FAS: variants seen among roughly 807,000 people sequenced by gnomAD.
FAS encodes the protein Fas cell surface death receptor, also known as tumor necrosis factor receptor superfamily member 6.
In FAS, 5 loss-of-function variants were observed where a neutral mutation model predicts 33.2. The observed-to-expected ratio is 0.15, with a 90% CI of 0.08 to 0.32. The LOEUF is 0.32. Ranked by LOEUF, FAS falls within the 10% of genes least tolerant of loss-of-function variation. FAS has a pLI of 1.00. For missense variants in FAS, 339 were observed against 386.0 expected (o/e 0.88, Z 1.02); for synonymous variants, 131 against 130.7 (o/e 1.00, Z -0.01).
At chr10:88,989,410 T>G, upstream of FAS, 1 of 496,104 alleles carries the variant, frequency 2.0e-6, no homozygotes, top group South Asian at 1.5e-5. Context: ...TTTGCAGAGA[T>G]AATACAGAGA....
chr10:88,966,228 A>G (rs1443949391), intron 1 of FAS, among the ~76,000 whole-genome samples: 1 of 152,208 alleles, frequency 6.6e-6, no homozygotes, highest in Non-Finnish European at 1.5e-5. Context: ...ATAGTAAGGA[A>G]TGATCTTCAT....
intron 2 of FAS, among the ~76,000 whole-genome samples, chr10:88,978,573 G>T (rs960918480): frequency 1.3e-5 from 2 of 152,126 alleles, no homozygotes; most frequent in Non-Finnish European, 2.9e-5. Flanking sequence ...AAAAGATTCT[G>T]TTCTATTGAA....
chr10:89,000,825 T>C (rs1847881523), intron 1 of FAS, among the ~76,000 whole-genome samples: 2 of 152,184 alleles, frequency 1.3e-5, no homozygotes, highest in African/African-American at 4.8e-5. Context: ...GGCGGGAGCA[T>C]CTTCTGAGGT....
chr10:88,970,733 C>T (rs958406604), intron 1 of FAS, among the ~76,000 whole-genome samples: 3 of 151,692 alleles, frequency 2.0e-5, no homozygotes, highest in East Asian at 1.9e-4. Context: ...GTGGGGAGAG[C>T]GGGGAGGGAT....
Position 89,016,088 on chromosome 10 carries a change from T to A in FAS, c.*1638T>A, listed in dbSNP as rs1215096648. On this transcript the variant is annotated 3_prime_UTR_variant, in exon 9 of 9. Coordinates refer to ENST00000652046, the MANE Select transcript of FAS (RefSeq NM_000043.6). ...TATTATTAAGAAAGCCAAATGAGGA[T>A]TTTGAAATATTCTTTCCTGCATATT... 4.4e-6 allele frequency: 1 copy of A among 228,370 alleles called. No individual in the cohort carries two copies. The highest frequency in any genetic ancestry group is 1.7e-4 in the South Asian group (1 of 6,050). The allele number at this position is 228,370 out of a possible 1,614,324, so 14.1% of individuals were successfully genotyped here. A position where few individuals can be genotyped will look rare whatever the true frequency, so the allele number is the denominator to read the frequency against.
rs759114503 is a variant in FAS, at chr10:88,964,764, A to C, written n.95-8418A>C. 1.9e-4 allele frequency among the ~76,000 whole-genome samples: 29 copies of C among 152,142 alleles called. 1 individual carries two copies. The highest frequency in any genetic ancestry group is 3.4e-4 in the Non-Finnish European group (23 of 68,022). ...AGCAAAAAGTATCTACATATCTTGT[A>C]CCAACTGGTCTCCTTCCCTGTTTGC... is the stretch of plus-strand genomic sequence containing the variant. On this transcript the variant is annotated intron_variant and non_coding_transcript_variant, in intron 1 of 3. Transcript: ENST00000688239.
intron 6 of FAS, among the ~76,000 whole-genome samples, chr10:89,011,524 CT>C (rs1421397848): frequency 1.3e-5 from 2 of 152,224 alleles, no homozygotes; most frequent in Non-Finnish European, 2.9e-5. Context: ...TATTTAAGCA[CT>C]GTAATTGTGC....
chr10:89,013,498 T>A (rs573827928), intron 8 of FAS, 131 bp downstream of exon 8: 1 of 870,812 alleles, frequency 1.1e-6, no homozygotes, highest in East Asian at 2.5e-5. Flanking sequence ...CAATTCTACC[T>A]GCTCAGCATA....
chr10:89,015,076 A>C lies in FAS; in HGVS notation c.*626A>C. ...ATTTCAATTGTGAATTCACATAGAA[A>C]ACATTAAATTATAATGTTTGACTAT... On this transcript the variant is annotated 3_prime_UTR_variant, in exon 9 of 9. Transcript: ENST00000652046. 1 of 534,500 alleles carries C rather than the reference A, an allele frequency of 1.9e-6. No homozygotes were observed. The highest frequency in any genetic ancestry group is 1.5e-5 in the South Asian group (1 of 65,106). The allele number at this position is 534,500 out of a possible 1,614,324, so 33.1% of individuals were successfully genotyped here.
chr10:88,993,337 T>C (rs1030046923), intron 1 of FAS, among the ~76,000 whole-genome samples: 1 of 152,178 alleles, frequency 6.6e-6, no homozygotes, highest in Admixed American at 6.5e-5. Flanking sequence ...GACCCTGTTA[T>C]TGGCCAAGAA....
chr10:88,993,411 G>T (rs1450095533), intron 1 of FAS, among the ~76,000 whole-genome samples: 1 of 152,110 alleles, frequency 6.6e-6, no homozygotes, highest in East Asian at 1.9e-4. Context: ...TTGAAGGGAT[G>T]TGGATCCATG....
intron 1 of FAS, among the ~76,000 whole-genome samples, chr10:88,994,730 T>C (rs2031610): frequency 0.33 from 49,837 of 151,706 alleles, 8,814 homozygotes; most frequent in East Asian, 0.52. Context: ...TTTCTATTTC[T>C]ACATAATTTT....
upstream of FAS, chr10:88,990,530 C>T (rs56220100): frequency 3.5e-3 from 2,147 of 612,960 alleles, 8 homozygotes; most frequent in Admixed American, 5.3e-3. This position sits in a 1 kb window ranked among gnomAD's most constrained non-coding sequence, Gnocchi z 4.9. Flanking sequence ...TTCTCCCCCT[C>T]CCTACCCGCG....
intron 2 of FAS, among the ~76,000 whole-genome samples, chr10:88,975,529 A>G (rs1846542726): frequency 6.6e-6 from 1 of 152,186 alleles, no homozygotes; most frequent in Admixed American, 6.6e-5. Flanking sequence ...ATGGTACAGG[A>G]AGGGGCATGG....
At chr10:88,982,390 T>A (rs1846731525), upstream of FAS, among the ~76,000 whole-genome samples, 1 of 152,218 alleles carries the variant, frequency 6.6e-6, no homozygotes, top group Non-Finnish European at 1.5e-5. Flanking sequence ...AATGGATTAT[T>A]TGGTAAGAGA....
intron 1 of FAS, among the ~76,000 whole-genome samples, chr10:88,969,416 T>A (rs74396056): frequency 0.1 from 15,179 of 152,290 alleles, 871 homozygotes; most frequent in Non-Finnish European, 0.14. Flanking sequence ...TTTTGATGTC[T>A]CTATTTGAAA....
At chr10:89,000,260 A>T (rs1252027277) in intron 1 of FAS, among the ~76,000 whole-genome samples, 1 of 152,226 alleles carries the variant, frequency 6.6e-6, no homozygotes, top group Non-Finnish European at 1.5e-5. Context: ...AAAGAATTCA[A>T]TGTTGATAAT....
At chr10:88,990,625 G>A (rs1221131310), upstream of FAS, 5 of 688,956 alleles carry the variant, frequency 7.3e-6, no homozygotes, top group Non-Finnish European at 1.3e-5. This position sits in a 1 kb window ranked among gnomAD's most constrained non-coding sequence, Gnocchi z 4.9. Flanking sequence ...CCTGACCACC[G>A]GGGCTTTTCG....
intron 1 of FAS, among the ~76,000 whole-genome samples, chr10:88,971,605 A>G (rs1304209571): frequency 6.6e-6 from 1 of 152,194 alleles, no homozygotes; most frequent in Non-Finnish European, 1.5e-5. Context: ...TCTTATAATA[A>G]AAGTCATAAT....
Sources: allele counts gnomAD v4.1 joint callset (sites outside exome capture counted in the v4.1 genomes callset), GRCh38; gene constraint gnomAD v4.1.1; non-coding constraint Gnocchi (gnomAD v3.1); transcripts MANE v1.5; gene names NCBI Gene and HGNC (gene_info 2026-07-23, HGNC 2026-07-21).